AFP: variants seen among roughly 807,000 people sequenced by gnomAD.
AFP encodes the protein alpha fetoprotein.
A neutral mutation model predicts 78.9 loss-of-function variants in AFP; 64 were observed. The observed-to-expected ratio is 0.81, with a 90% CI of 0.66 to 1.00. AFP has a LOEUF of 1.00. Ranked by LOEUF, AFP falls within the 50% of genes least tolerant of loss-of-function variation. The pLI, the probability that AFP is intolerant of heterozygous loss-of-function variation, is 0.00. For missense variants in AFP, 689 were observed against 703.8 expected (o/e 0.98, Z 0.24); for synonymous variants, 254 against 243.8 (o/e 1.04, Z -0.39).
chr4:73,437,329 C>T (rs1303462710), intron 2 of AFP, 118 bp downstream of exon 2: 3 of 794,052 alleles, frequency 3.8e-6, no homozygotes, highest in Non-Finnish European at 6.3e-6. Flanking sequence ...TGGACAATTT[C>T]AAGAAAAGTT....
At chr4:73,455,525 A>G (rs1324159647) in intron 14 of AFP, 106 bp from the exon 15 acceptor site, 3 of 648,636 alleles carry the variant, frequency 4.6e-6, no homozygotes, top group Non-Finnish European at 8.2e-6. Flanking sequence ...CTATCAGAAG[A>G]CTTTCCTACG....
chr4:73,447,806 G>A (rs1577956727), intron 8 of AFP, 130 bp downstream of exon 8: 2 of 775,468 alleles, frequency 2.6e-6, no homozygotes, highest in East Asian at 2.7e-5. Flanking sequence ...TGGCTAGAAT[G>A]TTCTGAGCCA....
chr4:73,446,612 CG>C (rs1719834815), intron 7 of AFP, among the ~76,000 whole-genome samples: 1 of 144,478 alleles, frequency 6.9e-6, no homozygotes, highest in South Asian at 2.3e-4. Flanking sequence ...ATCATTCTTA[CG>C]GAATTTCTCG....
chr4:73,444,368 C>G (rs910264538), intron 6 of AFP, among the ~76,000 whole-genome samples: 4 of 152,176 alleles, frequency 2.6e-5, no homozygotes, highest in Non-Finnish European at 4.4e-5. Context: ...GAAGATCCAT[C>G]TTTATCAGAA....
chr4:73,446,589 GATAAA>G, intron 7 of AFP, among the ~76,000 whole-genome samples: 1 of 149,834 alleles, frequency 6.7e-6, no homozygotes, highest in Non-Finnish European at 1.5e-5. Flanking sequence ...AGTATGTTCT[GATAAA>G]GATGATTATC....
intron 12 of AFP, 150 bp downstream of exon 12, chr4:73,452,774 A>T: frequency 2.8e-6 from 2 of 727,162 alleles, no homozygotes; most frequent in Non-Finnish European, 4.8e-6. Context: ...GTTTTGTCTC[A>T]GTGTCTTCAC....
At chr4:73,449,724 C>T (rs1719932090) in intron 9 of AFP, among the ~76,000 whole-genome samples, 1 of 152,112 alleles carries the variant, frequency 6.6e-6, no homozygotes, top group South Asian at 2.1e-4. Flanking sequence ...TCCTTTGATC[C>T]ACAAATAAAG....
At chr4:73,443,472 G>C (rs1166423092) in intron 6 of AFP, 28 bp downstream of exon 6, 1 of 1,538,446 alleles carries the variant, frequency 6.5e-7, no homozygotes, top group Non-Finnish European at 9.0e-7. Flanking sequence ...CTAGGGAAGA[G>C]GGTGAGAGCT....
rs773110348 is a variant in AFP at position 73,450,692 on chromosome 4, C to G, written c.1367C>G (p.Ala456Gly). The change falls in exon 11 of 15, where the codon GCC becomes GGC. Residue 456 changes from alanine (A) to glycine (G), a missense_variant. Coordinates refer to ENST00000395792, the MANE Select transcript of AFP (RefSeq NM_001134.3). ...ATGGCCATCACCAGAAAAATGGCAG[C>G]CACAGCAGCCACTTGTTGCCAACTC... The part of the protein sequence containing the change: ...ELMAITRKMA[A>G]TAATCCQLSE... 6.2e-7 allele frequency: 1 copy of G among 1,614,044 alleles called. No homozygotes were observed. The highest frequency in any genetic ancestry group is 1.3e-5 in the African/African-American group (1 of 75,052).
intron 6 of AFP, 53 bp from the exon 7 acceptor site, chr4:73,444,935 CTATTT>C: frequency 1.4e-6 from 2 of 1,444,416 alleles, no homozygotes; most frequent in South Asian, 1.2e-5. Context: ...TCTATAAATT[CTATTT>C]TATTTTGACA....
chr4:73,448,658 T>A (rs575695571), intron 8 of AFP, among the ~76,000 whole-genome samples: 65 of 152,248 alleles, frequency 4.3e-4, no homozygotes, highest in African/African-American at 1.4e-3. Flanking sequence ...AGTTTACACA[T>A]CCATGCACAT....
chr4:73,449,267 G>A (rs1452555638), intron 8 of AFP, 68 bp from the exon 9 acceptor site: 3 of 1,414,826 alleles, frequency 2.1e-6, no homozygotes, highest in Non-Finnish European at 3.0e-6. Flanking sequence ...AGGAATAACT[G>A]GAGAAGTGAT....
intron 4 of AFP, among the ~76,000 whole-genome samples, chr4:73,441,279 T>C (rs916571298): frequency 3.9e-5 from 6 of 152,032 alleles, no homozygotes; most frequent in Non-Finnish European, 8.8e-5. Flanking sequence ...ACTTAGGATG[T>C]TGTGGGGCCG....
chr4:73,452,055 A>G (rs1412848113), intron 11 of AFP, among the ~76,000 whole-genome samples: 1 of 152,204 alleles, frequency 6.6e-6, no homozygotes, highest in Non-Finnish European at 1.5e-5. Context: ...TGGAAAGTTC[A>G]ACTAAATACA....
chr4:73,455,508 A>G (rs1182313183), intron 14 of AFP, 123 bp from the exon 15 acceptor site: 2 of 644,902 alleles, frequency 3.1e-6, no homozygotes, highest in Non-Finnish European at 2.7e-6. Flanking sequence ...AAAGACTTCA[A>G]CAAATGCTAT....
At chr4:73,440,923 T>TA (rs1312856184) in intron 4 of AFP, 110 bp downstream of exon 4, 2 of 1,053,588 alleles carry the variant, frequency 1.9e-6, no homozygotes, top group Non-Finnish European at 2.7e-6. Flanking sequence ...GGTATAATGT[T>TA]TCTTTGGTGT....
At chr4:73,439,251 C>T (rs1719595921) in intron 3 of AFP, among the ~76,000 whole-genome samples, 2 of 152,106 alleles carry the variant, frequency 1.3e-5, no homozygotes, top group East Asian at 3.9e-4. Context: ...TATAAAACAA[C>T]ATGCCCAGAG....
intron 3 of AFP, 141 bp from the exon 4 acceptor site, chr4:73,440,461 A>T: frequency 1.4e-6 from 1 of 713,486 alleles, no homozygotes; most frequent in South Asian, 1.8e-5. Context: ...TCAGGCTGAA[A>T]CAAAATACAT....
chr4:73,443,548 C>G (rs937000419), intron 6 of AFP, 104 bp downstream of exon 6: 1 of 809,868 alleles, frequency 1.2e-6, no homozygotes, highest in Non-Finnish European at 2.1e-6. Context: ...GAATGAAGAC[C>G]CCTTTGTGAC....
Sources: allele counts gnomAD v4.1 joint callset (sites outside exome capture counted in the v4.1 genomes callset), GRCh38; gene constraint gnomAD v4.1.1; transcripts MANE v1.5; gene names NCBI Gene and HGNC (gene_info 2026-07-23, HGNC 2026-07-21).